The following CNTN5 variants were observed in gnomAD, a reference collection of about 807,000 sequenced individuals.
CNTN5 encodes the protein contactin 5.
Under a neutral mutation model 129.1 loss-of-function variants are expected in CNTN5, and 77 were observed. The ratio of observed to expected loss-of-function variants is 0.60; its 90% CI spans 0.50 to 0.72. The LOEUF is 0.72. CNTN5 is among the 30% of genes least tolerant of loss of function. CNTN5 has a pLI of 0.00. For synonymous variants in CNTN5, 509 were observed against 465.6 expected (o/e 1.09, Z -1.20); for missense variants, 1,478 against 1,328.8 (o/e 1.11, Z -1.75).
intron 3 of CNTN5, among the ~76,000 whole-genome samples, chr11:99,780,738 C>A (rs1002365245): frequency 5.3e-5 from 8 of 152,010 alleles, no homozygotes; most frequent in African/African-American, 1.7e-4. Flanking sequence ...AGTAAAATTA[C>A]GCTTTATAAA....
At chr11:99,436,519 A>T (rs997577047) in intron 2 of CNTN5, among the ~76,000 whole-genome samples, 1 of 152,102 alleles carries the variant, frequency 6.6e-6, no homozygotes, top group Non-Finnish European at 1.5e-5. Flanking sequence ...CAGTTTCCCC[A>T]TCTTGTATCT....
intron 2 of CNTN5, among the ~76,000 whole-genome samples, chr11:99,384,046 G>C (rs959821803): frequency 6.6e-6 from 1 of 152,184 alleles, no homozygotes; most frequent in Non-Finnish European, 1.5e-5. Flanking sequence ...AACATTACTA[G>C]TGCGTTGCTG....
intron 6 of CNTN5, among the ~76,000 whole-genome samples, chr11:99,907,418 T>C (rs1323693213): frequency 2.0e-5 from 3 of 152,042 alleles, no homozygotes; most frequent in Non-Finnish European, 2.9e-5. Flanking sequence ...ATTTTTACAT[T>C]ATAGTCTTTT....
At chr11:99,296,438 C>G (rs1197294033) in intron 1 of CNTN5, among the ~76,000 whole-genome samples, 1 of 152,166 alleles carries the variant, frequency 6.6e-6, no homozygotes, top group African/African-American at 2.4e-5. Context: ...GCTTTCTTTA[C>G]CTGGTGAAAA....
chr11:99,220,662 G>A lies in CNTN5; in HGVS notation c.-209-104684G>A, dbSNP rs531174176. ...GCTGACACCAAAAGAGCACACTTAA[G>A]TTCAAAAGGAACTTATATAATTTTA... On this transcript the variant is annotated intron_variant, in intron 1 of 24. Coordinates refer to ENST00000524871, the MANE Select transcript of CNTN5 (RefSeq NM_014361.4). Among the ~76,000 whole-genome samples, 23 of 152,018 alleles carry A rather than the reference G, an allele frequency of 1.5e-4. 1 individual carries two copies. In the South Asian group the frequency reaches 4.8e-3, roughly 31 times the overall value.
At chr11:99,031,838 C>T (rs1213212789) in intron 1 of CNTN5, among the ~76,000 whole-genome samples, 4 of 151,042 alleles carry the variant, frequency 2.6e-5, no homozygotes, top group Non-Finnish European at 5.9e-5. Context: ...CATATGTATA[C>T]ATGTGCCATG....
intron 3 of CNTN5, among the ~76,000 whole-genome samples, chr11:99,786,299 G>A (rs954404584): frequency 6.6e-6 from 1 of 151,978 alleles, no homozygotes; most frequent in Non-Finnish European, 1.5e-5. Context: ...AACTTACAAG[G>A]GATGTGAAGG....
chr11:100,156,526 TAGGGAAG>T (rs1335484521), intron 13 of CNTN5, among the ~76,000 whole-genome samples: 1 of 152,132 alleles, frequency 6.6e-6, no homozygotes. Flanking sequence ...TAAAATGAGT[TAGGGAAG>T]AGTCCCTCTT....
intron 1 of CNTN5, among the ~76,000 whole-genome samples, chr11:99,073,272 C>G (rs1336921841): frequency 6.6e-6 from 1 of 150,536 alleles, no homozygotes; most frequent in East Asian, 2.0e-4. Flanking sequence ...TAAGAATATA[C>G]TTAGCTTTCG....
chr11:99,841,260 T>A (rs192531357), intron 4 of CNTN5, among the ~76,000 whole-genome samples: 1 of 152,268 alleles, frequency 6.6e-6, no homozygotes. Context: ...TAATAAAATA[T>A]ATGTTCAGAT....
At chr11:100,187,130 C>A (rs868008091) in intron 13 of CNTN5, among the ~76,000 whole-genome samples, 12 of 152,154 alleles carry the variant, frequency 7.9e-5, no homozygotes, top group Middle Eastern at 3.4e-3. Context: ...TACATATAGT[C>A]CTAGGTATTT....
chr11:99,117,129 C>T (rs1282138860), intron 1 of CNTN5, among the ~76,000 whole-genome samples: 1 of 152,012 alleles, frequency 6.6e-6, no homozygotes, highest in Non-Finnish European at 1.5e-5. Context: ...TGGTTCTAGG[C>T]AAATTATTTT....
At chr11:100,040,468 C>T (rs934592345) in intron 9 of CNTN5, among the ~76,000 whole-genome samples, 1 of 152,198 alleles carries the variant, frequency 6.6e-6, no homozygotes. Context: ...AAGCTGCGTG[C>T]TGGGAGAAGC....
intron 7 of CNTN5, among the ~76,000 whole-genome samples, chr11:99,949,188 C>G (rs149679042): frequency 1.7e-3 from 257 of 152,248 alleles, no homozygotes; most frequent in South Asian, 0.011. Flanking sequence ...TCTTCACTGA[C>G]TCTATTTCTA....
intron 1 of CNTN5, among the ~76,000 whole-genome samples, chr11:99,324,816 T>G (rs543414397): frequency 6.6e-6 from 1 of 152,286 alleles, no homozygotes; most frequent in East Asian, 1.9e-4. Flanking sequence ...TACTTTTTTG[T>G]ATTTTTAGTA....
At chr11:99,981,077 G>GACATATATATATATATAT (rs1555171289) in intron 8 of CNTN5, among the ~76,000 whole-genome samples, 1 of 57,594 alleles carries the variant, frequency 1.7e-5, no homozygotes, top group African/African-American at 6.0e-5. Context: ...GAGCCAATAG[G>GACATATATATATATATAT]ATATATATAT....
chr11:100,246,556 A>G (rs1163774667), intron 16 of CNTN5, among the ~76,000 whole-genome samples: 1 of 152,144 alleles, frequency 6.6e-6, no homozygotes, highest in Non-Finnish European at 1.5e-5. Flanking sequence ...AAAACATACC[A>G]GAAATTCTGT....
intron 6 of CNTN5, among the ~76,000 whole-genome samples, chr11:99,906,498 A>T (rs1413244175): frequency 1.3e-5 from 2 of 152,114 alleles, no homozygotes; most frequent in African/African-American, 4.8e-5. Flanking sequence ...AGCTGATCTG[A>T]TAAGCTGGTG....
At chr11:99,652,055 TCTC>T (rs1399747479) in intron 3 of CNTN5, among the ~76,000 whole-genome samples, 3 of 152,038 alleles carry the variant, frequency 2.0e-5, no homozygotes, top group African/African-American at 7.2e-5. Context: ...GGATTAAGGA[TCTC>T]CTCTGTTGAG....
Sources: allele counts gnomAD v4.1 joint callset (sites outside exome capture counted in the v4.1 genomes callset), GRCh38; gene constraint gnomAD v4.1.1; transcripts MANE v1.5; gene names NCBI Gene and HGNC (gene_info 2026-07-23, HGNC 2026-07-21).